The following FGF14 variants were observed in gnomAD, a reference collection of about 807,000 sequenced individuals.
The protein encoded by FGF14 is fibroblast growth factor homologous factor 4.
In FGF14, 5 loss-of-function variants were observed where a neutral mutation model predicts 25.5. That is an observed-to-expected ratio of 0.20 (90% CI 0.10 to 0.41). The LOEUF is 0.41. Among genes scored for constraint, FGF14 ranks in the 10% least tolerant of loss-of-function variants. The pLI, the probability that FGF14 is intolerant of heterozygous loss-of-function variation, is 1.00. For synonymous variants in FGF14, 138 were observed against 118.3 expected, an observed-to-expected ratio of 1.17 and a Z score of -1.08; for missense variants, 222 against 320.1, an observed-to-expected ratio of 0.69 and a Z score of 2.34.
At chr13:102,353,294 T>C (rs901865951) in intron 1 of FGF14, among the ~76,000 whole-genome samples, 8 of 152,302 alleles carry the variant, frequency 5.3e-5, no homozygotes, top group African/African-American at 1.9e-4. Context: ...ATCCAAGTCT[T>C]CACTGTTGGT....
rs1051221253 is a variant in FGF14, at chr13:101,720,639, A to AAGTT, written c.*2188_*2191dup. On this transcript the variant is annotated 3_prime_UTR_variant, in exon 5 of 5. Coordinates refer to ENST00000376143, the MANE Select transcript of FGF14 (RefSeq NM_004115.4). The stretch of plus-strand genomic sequence containing the variant: ...CCATAAGCCCATTTGACTGTATTAC[A>AAGTT]AGTTAGTTAATTACTCATATAGTTG... 1 of 151,878 alleles carries AAGTT rather than the reference A, an allele frequency of 6.6e-6. No homozygotes were observed. Among genetic ancestry groups the AAGTT allele is most frequent in the African/African-American group, 2.4e-5 (1 of 41,348 alleles). 9.4% of individuals were successfully genotyped at this position (151,878 alleles called of 1,614,324 possible).
At chr13:101,950,751 G>T (rs1051870432) in intron 1 of FGF14, among the ~76,000 whole-genome samples, 41 of 131,918 alleles carry the variant, frequency 3.1e-4, no homozygotes, top group South Asian at 1.5e-3. Flanking sequence ...ACCTAATCAT[G>T]TTTTTTTTTT....
intron 1 of FGF14, among the ~76,000 whole-genome samples, chr13:102,078,676 C>T (rs1028497634): frequency 6.6e-5 from 10 of 152,044 alleles, no homozygotes; most frequent in Admixed American, 4.6e-4. Context: ...TCATAGAGAC[C>T]CAGCAGTTGG....
intron 1 of FGF14, among the ~76,000 whole-genome samples, chr13:102,114,736 C>A (rs2045388495): frequency 6.6e-6 from 1 of 152,050 alleles, no homozygotes; most frequent in Non-Finnish European, 1.5e-5. Flanking sequence ...CATGGAAATA[C>A]AAACACTGCA....
chr13:102,198,317 A>G (rs1337066118), intron 1 of FGF14, among the ~76,000 whole-genome samples: 1 of 152,222 alleles, frequency 6.6e-6, no homozygotes, highest in African/African-American at 2.4e-5. Flanking sequence ...AGTGGTATGC[A>G]AAGTGTCTTC....
intron 1 of FGF14, among the ~76,000 whole-genome samples, chr13:102,161,673 G>GAAGAAGAAGAAGA (rs2047753341): frequency 1.8e-5 from 1 of 56,124 alleles, no homozygotes; most frequent in Non-Finnish European, 3.7e-5. Flanking sequence ...AGAAGAAGAA[G>GAAGAAGAAGAAGA]AAGAAGAAGA....
At chr13:101,785,892 G>A (rs1241203073) in intron 3 of FGF14, among the ~76,000 whole-genome samples, 1 of 152,132 alleles carries the variant, frequency 6.6e-6, no homozygotes, top group Non-Finnish European at 1.5e-5. Flanking sequence ...CTATGTTTTA[G>A]GACATAGAGT....
At chr13:102,287,033 C>G (rs59718110) in intron 1 of FGF14, among the ~76,000 whole-genome samples, 2 of 151,704 alleles carry the variant, frequency 1.3e-5, no homozygotes, top group African/African-American at 2.4e-5. Flanking sequence ...ATGTAAATGA[C>G]GAGTTAATGG....
At chr13:102,186,614 G>C (rs979438069) in intron 1 of FGF14, among the ~76,000 whole-genome samples, 1 of 152,038 alleles carries the variant, frequency 6.6e-6, no homozygotes, top group Admixed American at 6.6e-5. Context: ...CGTAAAGTTT[G>C]ACATGTCTAT....
intron 1 of FGF14, among the ~76,000 whole-genome samples, chr13:102,176,653 C>G (rs962866618): frequency 2.6e-5 from 4 of 152,000 alleles, no homozygotes; most frequent in Non-Finnish European, 5.9e-5. Flanking sequence ...CTGTGGTTAA[C>G]AATAATGTAT....
intron 1 of FGF14, among the ~76,000 whole-genome samples, chr13:102,246,803 G>A (rs548707209): frequency 6.6e-6 from 1 of 151,036 alleles, no homozygotes; most frequent in Non-Finnish European, 1.5e-5. Flanking sequence ...TGAGCAAAAA[G>A]AACAAAACTG....
chr13:102,140,393 C>T (rs888558562), intron 1 of FGF14, among the ~76,000 whole-genome samples: 8 of 152,186 alleles, frequency 5.3e-5, no homozygotes, highest in African/African-American at 1.9e-4. Flanking sequence ...ATTTCAGATG[C>T]AAAAGAAATG....
intron 1 of FGF14, among the ~76,000 whole-genome samples, chr13:102,170,820 T>C (rs1177764941): frequency 6.6e-6 from 1 of 152,202 alleles, no homozygotes; most frequent in Non-Finnish European, 1.5e-5. Context: ...ATAGTGAATT[T>C]ATACCTGCAT....
intron 1 of FGF14, among the ~76,000 whole-genome samples, chr13:102,331,048 G>A (rs895309902): frequency 2.6e-5 from 4 of 152,180 alleles, no homozygotes; most frequent in Non-Finnish European, 1.5e-5. Flanking sequence ...GTGCTTGGAC[G>A]TGTCATTGAA....
At chr13:101,864,932 T>C (rs2044619614) in intron 3 of FGF14, among the ~76,000 whole-genome samples, 1 of 152,114 alleles carries the variant, frequency 6.6e-6, no homozygotes, top group Non-Finnish European at 1.5e-5. Flanking sequence ...ACTTGAAGGA[T>C]TCAAGAGAAA....
chr13:101,805,764 G>A (rs1264613107), intron 3 of FGF14, among the ~76,000 whole-genome samples: 1 of 151,996 alleles, frequency 6.6e-6, no homozygotes, highest in African/African-American at 2.4e-5. Flanking sequence ...TAACTTCAAT[G>A]TTATTCTATG....
At chr13:101,871,320 A>G (rs1041632878) in intron 2 of FGF14, among the ~76,000 whole-genome samples, 9 of 152,152 alleles carry the variant, frequency 5.9e-5, no homozygotes, top group African/African-American at 2.2e-4. Context: ...AGCTGTGTTC[A>G]TAACATAGAA....
chr13:101,713,864 G>A lies in FGF14; in HGVS notation c.*8967C>T, dbSNP rs953438825. Reference sequence around the variant, plus strand: ...GAGCTATCCCAGTTTATGACAGAGGGTCCTGAGGATGAGTCTCACAAGGCA... The same window carrying A: ...GAGCTATCCCAGTTTATGACAGAGGATCCTGAGGATGAGTCTCACAAGGCA... On this transcript the variant is annotated 3_prime_UTR_variant, in exon 5 of 5. Coordinates refer to ENST00000376143, the MANE Select transcript of FGF14 (RefSeq NM_004115.4). The A allele has an allele frequency of 1.3e-5, 2 of 152,124 alleles. No individual in the cohort carries two copies. Among genetic ancestry groups the A allele is most frequent in the Non-Finnish European group, 2.9e-5 (2 of 68,064 alleles). The allele number at this position is 152,124 out of a possible 1,614,324, so 9.4% of individuals were successfully genotyped here. A position where few individuals can be genotyped will look rare whatever the true frequency, so the allele number is the denominator to read the frequency against.
At chr13:102,248,600 A>T (rs2052003151) in intron 1 of FGF14, among the ~76,000 whole-genome samples, 1 of 152,084 alleles carries the variant, frequency 6.6e-6, no homozygotes, top group East Asian at 1.9e-4. Flanking sequence ...GGAGAGGGAG[A>T]TGGGGGCCAG....
Sources: gnomAD v4.1 joint callset for allele counts (sites outside exome capture counted in the v4.1 genomes callset) on GRCh38, gnomAD v4.1.1 for gene constraint, MANE v1.5 for transcripts, NCBI Gene and HGNC (gene_info 2026-07-23, HGNC 2026-07-21) for gene names.